The following ZNF18 variants were observed in gnomAD, a reference collection of about 807,000 sequenced individuals.
ZNF18 encodes the protein zinc finger protein 18.
In ZNF18, 42 loss-of-function variants were observed where a neutral mutation model predicts 58.1. The ratio of observed to expected loss-of-function variants is 0.72; its 90% CI spans 0.56 to 0.93. The LOEUF is 0.93. ZNF18 is among the 40% of genes least tolerant of loss of function. The probability of loss-of-function intolerance (pLI) is 0.00; values close to 1 mark genes in which losing one functional copy is unlikely to be tolerated. For missense variants in ZNF18, 540 were observed against 644.2 expected, an observed-to-expected ratio of 0.84 and a Z score of 1.75; for synonymous variants, 231 against 239.8, an observed-to-expected ratio of 0.96 and a Z score of 0.34.
At chr17:12,020,905 A>AGCG in the ZNF18 span, 51 of 1,170,630 alleles carry the variant, frequency 4.4e-5, no homozygotes, top group Middle Eastern at 3.4e-4. Context: ...TCCGAGCCCG[A>AGCG]GCGGCGGCGG....
At position 11,983,377 on chromosome 17, in the gene ZNF18, G is replaced by T. The variant is rs200385412; in HGVS notation, c.782C>A (p.Thr261Asn). 18 of 1,613,882 alleles carry T rather than the reference G, an allele frequency of 1.1e-5. No homozygotes were observed. Among genetic ancestry groups the T allele is most frequent in the Non-Finnish European group, 1.4e-5 (17 of 1,179,948 alleles). ...AGISHPKSDLTNSIEFGEELA... is the reference protein window; with the variant it reads ...AGISHPKSDLNNSIEFGEELA... ...CTCTTCCCCAAATTCTATTGAATTA[G>T]TCAGGTCAGATTTGGGATGGGAAAT... The change falls in exon 6 of 7, where the codon ACT becomes AAT. Residue 261 changes from threonine to asparagine, a missense_variant. Thr to Asn is a moderately conservative substitution (Grantham distance 65). Transcript: ENST00000580306.
chr17:12,019,772 A>G, the ZNF18 span, among the ~76,000 whole-genome samples: 2 of 152,220 alleles, frequency 1.3e-5, no homozygotes, highest in African/African-American at 4.8e-5. Flanking sequence ...CTCAGCATCA[A>G]ATAACATCTG....
the ZNF18 span, among the ~76,000 whole-genome samples, chr17:12,003,699 A>T: frequency 6.6e-6 from 1 of 152,182 alleles, no homozygotes. Flanking sequence ...CCAGTATGCA[A>T]GTGTTTGTAG....
the ZNF18 span, among the ~76,000 whole-genome samples, chr17:12,014,768 T>C: frequency 6.6e-6 from 1 of 152,060 alleles, no homozygotes; most frequent in Non-Finnish European, 1.5e-5. Context: ...ACCACTGAAT[T>C]GGCCGGGCGC....
At chr17:12,010,883 T>G in the ZNF18 span, 1 of 515,402 alleles carries the variant, frequency 1.9e-6, no homozygotes, top group East Asian at 3.4e-5. Flanking sequence ...TTTAGTTTTC[T>G]GATAATTTTC....
chr17:12,020,908 G>A, the ZNF18 span: 1 of 1,193,130 alleles, frequency 8.4e-7, no homozygotes. Context: ...GAGCCCGAGC[G>A]GCGGCGGCGG....
the ZNF18 span, among the ~76,000 whole-genome samples, chr17:12,014,899 T>G: frequency 6.6e-6 from 1 of 151,900 alleles, no homozygotes; most frequent in African/African-American, 2.4e-5. Flanking sequence ...ATACAAAAAA[T>G]TAGCCAGGCA....
At chr17:11,987,834 C>T (rs564985358) in intron 4 of ZNF18, among the ~76,000 whole-genome samples, 1 of 152,228 alleles carries the variant, frequency 6.6e-6, no homozygotes, top group Admixed American at 6.5e-5. Flanking sequence ...TATTTCTCTC[C>T]CCTGCCACCT....
chr17:11,991,105 C>A lies in ZNF18; in HGVS notation c.446G>T (p.Cys149Phe), dbSNP rs1294536568. ...ILSEKMESPSCQVGEVEPHLE... is the reference protein window; with the variant it reads ...ILSEKMESPSFQVGEVEPHLE... ...ATGGGGCTCCACTTCCCCCACTTGG[C>A]AGCTTGGAGATTCCATCTTCTCTGA... Residue 149 changes from cysteine to phenylalanine, a missense_variant, in exon 3 of 7, where the codon TGC (cysteine) becomes TTC (phenylalanine). By Grantham distance (205) the Cys-to-Phe change is radical. Coordinates refer to ENST00000580306, the MANE Select transcript of ZNF18 (RefSeq NM_001303281.2). 1.2e-6 allele frequency: 2 copies of A among 1,614,034 alleles called. No homozygotes were observed. Among genetic ancestry groups the A allele is most frequent in the Non-Finnish European group, 1.7e-6 (2 of 1,180,038 alleles).
chr17:11,977,738 TTC>T lies in ZNF18; in HGVS notation c.*217_*218del, dbSNP rs1166627437. On this transcript the variant is annotated 3_prime_UTR_variant, in exon 7 of 7. Transcript: ENST00000580306. ...AGGATGAGTGGAAACATGAAGACTA[TTC>T]TTTCTCCTGAGGCAGAATCAAGAAT... The T allele has an allele frequency of 9.6e-6, 5 of 519,170 alleles. No individual in the cohort carries two copies. The highest frequency in any genetic ancestry group is 9.6e-5 in the African/African-American group (5 of 52,222). The allele number at this position is 519,170 out of a possible 1,614,324, so 32.2% of individuals were successfully genotyped here. A position where few individuals can be genotyped will look rare whatever the true frequency, so the allele number is the denominator to read the frequency against.
chr17:12,020,981 C>T, the ZNF18 span: 2 of 1,212,352 alleles, frequency 1.6e-6, no homozygotes, highest in South Asian at 4.1e-5. Context: ...CCAGGCCACC[C>T]GGCCGTCAGC....
chr17:11,994,524 T>G (rs567603464), intron 1 of ZNF18, among the ~76,000 whole-genome samples: 1 of 152,192 alleles, frequency 6.6e-6, no homozygotes, highest in South Asian at 2.1e-4. Context: ...ATAAAGTAAG[T>G]TAGACAAAAT....
chr17:11,992,330 A>G, intron 2 of ZNF18, 113 bp downstream of exon 2: 1 of 1,402,722 alleles, frequency 7.1e-7, no homozygotes. Context: ...CATTGGTGTG[A>G]AAAGCCCCAC....
chr17:12,021,332 GC>G, the ZNF18 span: 1 of 168,854 alleles, frequency 5.9e-6, no homozygotes, highest in South Asian at 2.0e-4. Context: ...CCTGGCGCCC[GC>G]CCGGCCCCCG....
In ZNF18 at chr17:11,991,098, C is replaced by G. The variant is rs753443073; in HGVS notation, c.453G>C (p.Val151=). The G allele has an allele frequency of 1.2e-4, 194 of 1,614,086 alleles. No homozygotes were observed. Among genetic ancestry groups the G allele is most frequent in the Non-Finnish European group, 1.4e-4 (167 of 1,180,048 alleles). The part of the protein sequence containing the change: ...SEKMESPSCQ[V]GEVEPHLEVV... ...CTTCAAGATGGGGCTCCACTTCCCC[C>G]ACTTGGCAGCTTGGAGATTCCATCT... Residue 151 remains valine (V), a synonymous_variant, in exon 3 of 7, where the codon GTG becomes GTC. Coordinates refer to ENST00000580306, the MANE Select transcript of ZNF18 (RefSeq NM_001303281.2).
chr17:12,009,491 C>T, the ZNF18 span, among the ~76,000 whole-genome samples: 14 of 148,570 alleles, frequency 9.4e-5, no homozygotes, highest in African/African-American at 3.2e-4. Flanking sequence ...CTTGCTCTGT[C>T]ACCCAGGCTG....
At chr17:11,988,089 A>G (rs1374178273) in intron 4 of ZNF18, among the ~76,000 whole-genome samples, 1 of 152,232 alleles carries the variant, frequency 6.6e-6, no homozygotes, top group East Asian at 1.9e-4. Flanking sequence ...ACAAAATACA[A>G]CTTTTCAAAA....
chr17:11,978,502 G>A lies in ZNF18; in HGVS notation c.1105C>T (p.Gln369Ter). 6.2e-7 allele frequency: 1 copy of A among 1,607,496 alleles called. No individual in the cohort carries two copies. ...GGATTAGGCAAATGCTGACCTAGTT[G>A]TTTCTCAGAAATCCTTTCTTGAGGA... Reference protein sequence around the residue: ...LSPQERISEKQLGQHLPNPHS... With the variant: ...LSPQERISEK The change falls in exon 7 of 7, where the codon CAA becomes TAA. Residue 369 changes from glutamine (Q) to a stop codon, truncating the protein, a stop_gained. Transcript: ENST00000580306. LOFTEE classifies it high-confidence loss of function.
chr17:11,988,511 C>T (rs143293792), intron 4 of ZNF18, among the ~76,000 whole-genome samples: 1,702 of 152,240 alleles, frequency 0.011, 29 homozygotes, highest in African/African-American at 0.038. Flanking sequence ...CAGAGCGTCC[C>T]CGCAAAGTCT....
Sources: allele counts gnomAD v4.1 joint callset (sites outside exome capture counted in the v4.1 genomes callset), GRCh38; gene constraint gnomAD v4.1.1; transcripts MANE v1.5; gene names NCBI Gene and HGNC (gene_info 2026-07-23, HGNC 2026-07-21).